The following FHIP1A variants were observed in gnomAD, a reference collection of about 807,000 sequenced individuals.
FHIP1A encodes the protein FHF complex subunit HOOK-interacting protein 1A.
Under a neutral mutation model 88.6 loss-of-function variants are expected in FHIP1A, and 61 were observed. That is an observed-to-expected ratio of 0.69 (90% CI 0.56 to 0.85). The LOEUF is 0.85. FHIP1A is among the 40% of genes least tolerant of loss of function. The pLI is 0.00. For missense variants in FHIP1A, 1,154 were observed against 1,273.5 expected, an observed-to-expected ratio of 0.91 and a Z score of 1.43; for synonymous variants, 478 against 496.0, an observed-to-expected ratio of 0.96 and a Z score of 0.48.
chr4:151,493,344 C>T (rs926681500), intron 3 of FHIP1A, among the ~76,000 whole-genome samples: 3 of 151,946 alleles, frequency 2.0e-5, no homozygotes, highest in Admixed American at 6.6e-5. Flanking sequence ...AAAAAATTGC[C>T]AACAAATAAA....
rs183424876 is a variant in FHIP1A, at chr4:151,460,734, A to T, written c.-248+5926A>T. On this transcript the variant is annotated intron_variant, in intron 2 of 13. Coordinates refer to ENST00000435205, the MANE Select transcript of FHIP1A (RefSeq NM_001109977.3). ...GCCTGCTTAAAATTTTTCATTTCCA[A>T]AATCAGCTGAAGAATTTAAGATCAT... Among the ~76,000 whole-genome samples, 69 of 152,298 alleles carry T rather than the reference A, an allele frequency of 4.5e-4. 1 individual carries two copies. The highest frequency in any genetic ancestry group is 9.0e-4 in the Non-Finnish European group (61 of 68,018).
intron 3 of FHIP1A, among the ~76,000 whole-genome samples, chr4:151,494,010 A>C (rs959472840): frequency 6.6e-6 from 1 of 152,238 alleles, no homozygotes; most frequent in African/African-American, 2.4e-5. Context: ...AGGGCATCCA[A>C]ATTGGTAAAG....
intron 4 of FHIP1A, among the ~76,000 whole-genome samples, chr4:151,569,011 G>A (rs977512704): frequency 6.6e-5 from 10 of 152,096 alleles, no homozygotes; most frequent in African/African-American, 2.2e-4. Flanking sequence ...AGTTTCATAC[G>A]TTAGCTCTTG....
chr4:151,419,606 A>G (rs1186478139), intron 1 of FHIP1A, among the ~76,000 whole-genome samples: 2 of 10,116 alleles, frequency 2.0e-4, no homozygotes, highest in African/African-American at 1.1e-3. Flanking sequence ...TTTTTTTATT[A>G]TACTCTAAGT....
chr4:151,409,397 T>C lies in FHIP1A; in HGVS notation c.-424T>C, dbSNP rs1376311528. ...CCCCGGGACCGCAGAGCAAACTTTCTGGACTATCTGAGGACACTTGTCCAG... is the reference window on the plus strand; with the variant it reads ...CCCCGGGACCGCAGAGCAAACTTTCCGGACTATCTGAGGACACTTGTCCAG... On this transcript the variant is annotated 5_prime_UTR_variant, in exon 1 of 14. Coordinates refer to ENST00000435205, the MANE Select transcript of FHIP1A (RefSeq NM_001109977.3). 1.3e-5 allele frequency: 2 copies of C among 152,230 alleles called. No homozygotes were observed. Among genetic ancestry groups the C allele is most frequent in the African/African-American group, 2.4e-5 (1 of 41,430 alleles). 9.4% of individuals were successfully genotyped at this position (152,230 alleles called of 1,614,324 possible).
At chr4:151,569,122 C>T (rs780933432) in intron 4 of FHIP1A, among the ~76,000 whole-genome samples, 4 of 152,106 alleles carry the variant, frequency 2.6e-5, no homozygotes, top group Non-Finnish European at 5.9e-5. Context: ...TGACTGCAGC[C>T]CCTGGGTTCA....
At chr4:151,552,400 A>T (rs1183834165) in intron 3 of FHIP1A, among the ~76,000 whole-genome samples, 1 of 152,212 alleles carries the variant, frequency 6.6e-6, no homozygotes, top group Non-Finnish European at 1.5e-5. Context: ...GGCACTATTC[A>T]CAATAGCAAA....
intron 7 of FHIP1A, among the ~76,000 whole-genome samples, chr4:151,596,295 G>C (rs980870998): frequency 6.6e-6 from 1 of 152,126 alleles, no homozygotes; most frequent in African/African-American, 2.4e-5. Context: ...GCTTACTTTG[G>C]CTGGATATGA....
Position 151,646,542 on chromosome 4 carries a change from C to A in FHIP1A, c.1227-16C>A. Reference sequence around the variant, plus strand: ...ACATTGCAGAGACCAAACGCTTGTTCTTTTTGTCATTCTAGGTATCTGATC... The same window carrying A: ...ACATTGCAGAGACCAAACGCTTGTTATTTTTGTCATTCTAGGTATCTGATC... On this transcript the variant is annotated splice_polypyrimidine_tract_variant and intron_variant, in intron 9 of 13. Coordinates refer to ENST00000435205, the MANE Select transcript of FHIP1A (RefSeq NM_001109977.3). 1 of 1,544,362 alleles carries A rather than the reference C, an allele frequency of 6.5e-7. No individual in the cohort carries two copies. Among genetic ancestry groups the A allele is most frequent in the African/African-American group, 1.4e-5 (1 of 72,942 alleles).
intron 3 of FHIP1A, among the ~76,000 whole-genome samples, chr4:151,512,175 C>A (rs1431181246): frequency 5.3e-5 from 8 of 151,960 alleles, no homozygotes; most frequent in African/African-American, 1.9e-4. Flanking sequence ...CCCAGGCAAA[C>A]AGGGTCTGGA....
chr4:151,437,637 A>C (rs1254644484), intron 1 of FHIP1A, among the ~76,000 whole-genome samples: 2 of 152,202 alleles, frequency 1.3e-5, no homozygotes, highest in Non-Finnish European at 2.9e-5. Context: ...AAAATGTCAT[A>C]GCTGATGATC....
chr4:151,533,415 A>AAAACAAAC (rs10650173), intron 3 of FHIP1A, among the ~76,000 whole-genome samples: 5,083 of 150,858 alleles, frequency 0.034, 301 homozygotes, highest in African/African-American at 0.12. Context: ...GCCCTGTCTC[A>AAAACAAAC]AAACAAACAA....
intron 2 of FHIP1A, among the ~76,000 whole-genome samples, chr4:151,457,479 G>A (rs1377887919): frequency 3.3e-5 from 5 of 152,102 alleles, no homozygotes; most frequent in African/African-American, 1.2e-4. Flanking sequence ...AAGGGAGAGA[G>A]GGGTTTTGTG....
chr4:151,546,658 G>A (rs1732515233), intron 3 of FHIP1A, among the ~76,000 whole-genome samples: 1 of 152,202 alleles, frequency 6.6e-6, no homozygotes, highest in Non-Finnish European at 1.5e-5. Context: ...GACCTGAGGA[G>A]TGAGAAATCT....
chr4:151,504,681 G>T (rs1424655271), intron 3 of FHIP1A, among the ~76,000 whole-genome samples: 1 of 152,118 alleles, frequency 6.6e-6, no homozygotes, highest in Non-Finnish European at 1.5e-5. Context: ...AAGTGCAGTG[G>T]TGCGATCTCG....
chr4:151,465,986 A>C (rs1355205707), intron 2 of FHIP1A, among the ~76,000 whole-genome samples: 3 of 151,918 alleles, frequency 2.0e-5, no homozygotes, highest in Non-Finnish European at 4.4e-5. Flanking sequence ...CTCTCTCACC[A>C]CTCCTATTCA....
Position 151,587,916 on chromosome 4 carries a change from A to G in FHIP1A, c.892-924A>G, listed in dbSNP as rs1245057090. 3.3e-5 allele frequency among the ~76,000 whole-genome samples: 5 copies of G among 152,240 alleles called. No homozygotes were observed. In the Middle Eastern group the frequency reaches 0.01, roughly 311 times the overall value. ...TGGAAATAAAAAAGATGGAACTACT[A>G]TTAGTTCTTCCCCAAAAATATATAC... On this transcript the variant is annotated intron_variant, in intron 6 of 13. Transcript: ENST00000435205.
At chr4:151,444,980 G>A (rs1021796091) in intron 1 of FHIP1A, among the ~76,000 whole-genome samples, 6 of 152,150 alleles carry the variant, frequency 3.9e-5, no homozygotes, top group Non-Finnish European at 7.4e-5. Context: ...ACTGCCTGGA[G>A]TTAGAGAGCC....
intron 3 of FHIP1A, among the ~76,000 whole-genome samples, chr4:151,521,833 TC>T (rs1006602157): frequency 1.3e-5 from 2 of 152,142 alleles, no homozygotes; most frequent in African/African-American, 4.8e-5. Context: ...CAAGTGATCC[TC>T]CCACCTCACC....
Sources: allele counts gnomAD v4.1 joint callset (sites outside exome capture counted in the v4.1 genomes callset), GRCh38; gene constraint gnomAD v4.1.1; transcripts MANE v1.5; gene names NCBI Gene and HGNC (gene_info 2026-07-23, HGNC 2026-07-21).